Variants in LRP4 observed in about 807,000 individuals in gnomAD.
The protein encoded by LRP4 is low-density lipoprotein receptor-related protein 4.
Under a neutral mutation model 220.3 loss-of-function variants are expected in LRP4, and 95 were observed. That is an observed-to-expected ratio of 0.43 (90% CI 0.37 to 0.51). The LOEUF (loss-of-function observed/expected upper bound fraction) is 0.51. LRP4 is among the 20% of genes least tolerant of loss of function. The probability of loss-of-function intolerance (pLI) is 0.00; values close to 1 mark genes in which losing one functional copy is unlikely to be tolerated. For synonymous variants in LRP4, 903 were observed against 954.6 expected (o/e 0.95, Z 1.00); for missense variants, 1,925 against 2,567.0 (o/e 0.75, Z 5.40).
At chr11:46,871,495 G>A (rs748001051) in intron 31 of LRP4, 30 bp downstream of exon 31, 3 of 1,454,962 alleles carry the variant, frequency 2.1e-6, no homozygotes, top group African/African-American at 1.4e-5. Context: ...CAGTCAAGGA[G>A]GTTTAGTTAC....
rs937550769 is a variant in LRP4, at chr11:46,918,047, G to C, written c.52+281C>G. ...CCCCCGCTCTTGAAAGAGCAGCGAG[G>C]GAGGGCGAGCGAACGAACGCCCCGG... On this transcript the variant is annotated intron_variant, in intron 1 of 37. Coordinates refer to ENST00000378623, the MANE Select transcript of LRP4 (RefSeq NM_002334.4). This position sits in a 1 kb window ranked among gnomAD's most constrained non-coding sequence, Gnocchi z 6.0. Among the ~76,000 whole-genome samples, 1 of 152,200 alleles carries C rather than the reference G, an allele frequency of 6.6e-6. No homozygotes were observed. Among genetic ancestry groups the C allele is most frequent in the Non-Finnish European group, 1.5e-5 (1 of 68,028 alleles).
At chr11:46,898,532 C>T in intron 7 of LRP4, 26 bp downstream of exon 7, 1 of 1,613,772 alleles carries the variant, frequency 6.2e-7, no homozygotes, top group Admixed American at 1.7e-5. Flanking sequence ...AGTTCAAGCC[C>T]AACCTAATTC....
At chr11:46,870,682 A>G (rs987873654) in intron 31 of LRP4, among the ~76,000 whole-genome samples, 3 of 152,236 alleles carry the variant, frequency 2.0e-5, no homozygotes, top group Admixed American at 1.3e-4. Flanking sequence ...GGCCTCAGCC[A>G]GAGTGCTGTG....
intron 7 of LRP4, among the ~76,000 whole-genome samples, chr11:46,897,767 A>C (rs376257578): frequency 6.4e-4 from 97 of 152,170 alleles, no homozygotes; most frequent in African/African-American, 2.0e-3. Context: ...TCTCCCATGT[A>C]TACTTCTTTC....
intron 34 of LRP4, among the ~76,000 whole-genome samples, chr11:46,866,708 C>T (rs201797026): frequency 6.6e-6 from 1 of 152,210 alleles, no homozygotes; most frequent in East Asian, 1.9e-4. Context: ...CACTTGAGCC[C>T]AGAAGTTTAA....
At chr11:46,892,377 A>T (rs1255139948) in intron 13 of LRP4, among the ~76,000 whole-genome samples, 1 of 152,218 alleles carries the variant, frequency 6.6e-6, no homozygotes, top group Non-Finnish European at 1.5e-5. Flanking sequence ...TGTTATATGC[A>T]ATTTAAAATG....
At chr11:46,911,955 A>ACCTCAG (rs956076637) in intron 1 of LRP4, among the ~76,000 whole-genome samples, 1 of 144,116 alleles carries the variant, frequency 6.9e-6, no homozygotes, top group Non-Finnish European at 1.5e-5. Flanking sequence ...CGATTCTCCC[A>ACCTCAG]CCTCAGCCTC....
At position 46,893,122 on chromosome 11, in the gene LRP4, C is replaced by T; in HGVS notation, c.1548G>A (p.Leu516=). 1 of 1,614,198 alleles carries T rather than the reference C, an allele frequency of 6.2e-7. No homozygotes were observed. Among genetic ancestry groups the T allele is most frequent in the South Asian group, 1.1e-5 (1 of 91,086 alleles). ...VSTGLESPGG[L]AVDWVHDKLY... ...GTTTGTCATGGACCCAATCCACAGC[C>T]AGGCCCCCTGGTGAGAAGCAGCAGC... The change falls in exon 13 of 38, where the codon CTG becomes CTA. Residue 516 remains leucine, a synonymous_variant. Transcript: ENST00000378623.
In LRP4 at chr11:46,876,657, C is replaced by T; in HGVS notation, c.3365-20G>A. 3.7e-6 allele frequency: 6 copies of T among 1,614,190 alleles called. No homozygotes were observed. The highest frequency in any genetic ancestry group is 5.1e-6 in the Non-Finnish European group (6 of 1,180,034). On this transcript the variant is annotated intron_variant, in intron 24 of 37. Coordinates refer to ENST00000378623, the MANE Select transcript of LRP4 (RefSeq NM_002334.4). ...GTAGCCCTGTGGGAAGTCAAAAGAG[C>T]ACACTGGCTCCTATTTTAAAACAGA...
chr11:46,898,303 A>G (rs1178343906), intron 7 of LRP4, among the ~76,000 whole-genome samples: 4 of 152,334 alleles, frequency 2.6e-5, no homozygotes, highest in Non-Finnish European at 5.9e-5. Context: ...CTCCTGCCTC[A>G]GCCTCCCGAG....
intron 2 of LRP4, among the ~76,000 whole-genome samples, 192 bp from the exon 3 acceptor site, chr11:46,900,570 A>G (rs1941646178): frequency 6.6e-6 from 1 of 151,492 alleles, no homozygotes; most frequent in African/African-American, 2.4e-5. Flanking sequence ...CTCCTGGTTC[A>G]GGCGATTCTG....
At chr11:46,872,971 C>T (rs991409016) in intron 30 of LRP4, 129 bp downstream of exon 30, 5 of 1,290,370 alleles carry the variant, frequency 3.9e-6, no homozygotes, top group Non-Finnish European at 5.6e-6. Context: ...TTCCCTTATC[C>T]TTCTCAATGA....
intron 25 of LRP4, among the ~76,000 whole-genome samples, chr11:46,876,170 C>A (rs530468702): frequency 1.3e-5 from 2 of 152,286 alleles, no homozygotes; most frequent in South Asian, 4.1e-4. Flanking sequence ...TTCACTACCA[C>A]CTCCATTTAA....
intron 16 of LRP4, among the ~76,000 whole-genome samples, chr11:46,887,089 A>T (rs1941310511): frequency 6.6e-6 from 1 of 152,234 alleles, no homozygotes; most frequent in Admixed American, 6.5e-5. Context: ...AATAGAGATC[A>T]AGAAACTTGC....
intron 1 of LRP4, among the ~76,000 whole-genome samples, chr11:46,908,011 G>A (rs560507398): frequency 2.0e-5 from 3 of 151,840 alleles, no homozygotes; most frequent in South Asian, 2.1e-4. Flanking sequence ...CTCAGCTTAC[G>A]GCAACCTCCG....
In LRP4 at chr11:46,889,440, C is replaced by A; in HGVS notation, c.2186G>T (p.Arg729Leu). ...GGCACAGGCGTGGCTGCTGATCTTG[C>A]GGAAGCCAGTGGGGCAGGCACAGGT... Reference protein sequence around the residue: ...NYTCACPTGFRKISSHACAQS... With the variant: ...NYTCACPTGFLKISSHACAQS... Residue 729 changes from arginine (R) to leucine (L), a missense_variant, in exon 16 of 38, where the codon CGC (arginine) becomes CTC (leucine). Transcript: ENST00000378623. 6.2e-7 allele frequency: 1 copy of A among 1,614,042 alleles called. No individual in the cohort carries two copies. Among genetic ancestry groups the A allele is most frequent in the Non-Finnish European group, 8.5e-7 (1 of 1,180,002 alleles).
In LRP4 at chr11:46,873,194, C is replaced by G. The variant is rs757039930; in HGVS notation, c.4489G>C (p.Glu1497Gln). ...TCAGAACCATCCAAGTTTGCCCGTT[C>G]GATCTTGGCAATGTGGCCCCAGTCT... ...WTDWGHIAKIERANLDGSERK... is the reference protein window; with the variant it reads ...WTDWGHIAKIQRANLDGSERK... Residue 1497 changes from glutamate to glutamine, a missense_variant, in exon 30 of 38, where the codon GAA (glutamate) becomes CAA (glutamine). This residue lies in a region of LRP4 where 1,244 missense variants were observed against 1,624.9 expected (regional missense o/e 0.77). Coordinates refer to ENST00000378623, the MANE Select transcript of LRP4 (RefSeq NM_002334.4). This position sits in a 1 kb window ranked among gnomAD's most constrained non-coding sequence, Gnocchi z 4.2. 6.2e-7 allele frequency: 1 copy of G among 1,614,182 alleles called. No homozygotes were observed. The highest frequency in any genetic ancestry group is 1.7e-5 in the Admixed American group (1 of 60,030).
chr11:46,882,852 G>A (rs1407022705), intron 19 of LRP4, among the ~76,000 whole-genome samples: 2 of 143,734 alleles, frequency 1.4e-5, no homozygotes, highest in Non-Finnish European at 3.1e-5. Flanking sequence ...GCAAGACCCT[G>A]TCTCAAAACA....
In LRP4 at chr11:46,896,964, C is replaced by A; in HGVS notation, c.827G>T (p.Arg276Leu). 1 of 1,614,202 alleles carries A rather than the reference C, an allele frequency of 6.2e-7. No homozygotes were observed. Among genetic ancestry groups the A allele is most frequent in the Non-Finnish European group, 8.5e-7 (1 of 1,180,016 alleles). Residue 276 changes from arginine (R) to leucine (L), a missense_variant, in exon 8 of 38, where the codon CGC (arginine) becomes CTC (leucine). By Grantham distance (102) the Arg-to-Leu change is moderately radical (BLOSUM62 -2). Coordinates refer to ENST00000378623, the MANE Select transcript of LRP4 (RefSeq NM_002334.4). ...TTSMCTAEQF[R>L]CHSGRCVRLS... ...GCGGACACAGCGGCCTGAGTGACAGCGGAACTGTTCTGCCGTACACATGGA... is the reference window on the plus strand; with the variant it reads ...GCGGACACAGCGGCCTGAGTGACAGAGGAACTGTTCTGCCGTACACATGGA...
Sources: gnomAD v4.1 joint callset for allele counts (sites outside exome capture counted in the v4.1 genomes callset) on GRCh38, gnomAD v4.1.1 for gene constraint, gnomAD v4.1.1 regional missense constraint, Gnocchi (gnomAD v3.1) non-coding constraint, MANE v1.5 for transcripts, NCBI Gene and HGNC (gene_info 2026-07-23, HGNC 2026-07-21) for gene names.